LINGO1: variants seen among roughly 807,000 people sequenced by gnomAD.
LINGO1 encodes the protein leucine rich repeat and Ig domain containing 1.
Under a neutral mutation model 37.3 loss-of-function variants are expected in LINGO1, and 11 were observed. The ratio of observed to expected loss-of-function variants is 0.29; its 90% CI spans 0.19 to 0.49. LINGO1 has a LOEUF of 0.49. Among genes scored for constraint, LINGO1 ranks in the 20% least tolerant of loss-of-function variants. The probability of loss-of-function intolerance (pLI) is 0.99; values close to 1 mark genes in which losing one functional copy is unlikely to be tolerated. For synonymous variants in LINGO1, 387 were observed against 403.0 expected, an observed-to-expected ratio of 0.96 and a Z score of 0.48; for missense variants, 585 against 878.2, an observed-to-expected ratio of 0.67 and a Z score of 4.22.
chr15:77,754,905 A>G (rs1269936858), intron 1 of LINGO1, among the ~76,000 whole-genome samples: 1 of 152,228 alleles, frequency 6.6e-6, no homozygotes, highest in Admixed American at 6.5e-5. Context: ...TGCCTATAAG[A>G]TGGGGCCTGG....
At chr15:77,693,789 T>A (rs2075644983) in intron 1 of LINGO1, among the ~76,000 whole-genome samples, 1 of 152,086 alleles carries the variant, frequency 6.6e-6, no homozygotes, top group Admixed American at 6.5e-5. Flanking sequence ...CAGCTGGATG[T>A]GAGGGGGTGG....
upstream of LINGO1, among the ~76,000 whole-genome samples, chr15:77,701,074 T>C (rs994662143): frequency 3.3e-5 from 5 of 152,056 alleles, no homozygotes; most frequent in African/African-American, 1.2e-4. Flanking sequence ...ACTTGACAAA[T>C]GAAGAAACTG....
chr15:77,705,047 C>T (rs28577113), intron 2 of LINGO1, among the ~76,000 whole-genome samples: 14 of 151,958 alleles, frequency 9.2e-5, no homozygotes, highest in Admixed American at 5.2e-4. Flanking sequence ...TCATATAAGC[C>T]GGCTCATCCC....
intron 1 of LINGO1, among the ~76,000 whole-genome samples, chr15:77,766,355 G>A (rs1170589194): frequency 2.1e-5 from 3 of 144,996 alleles, no homozygotes; most frequent in Admixed American, 2.1e-4. Context: ...AAAGAAATGG[G>A]CAATGCAGAC....
At chr15:77,670,129 T>C (rs987180155) in intron 3 of LINGO1, among the ~76,000 whole-genome samples, 3 of 152,192 alleles carry the variant, frequency 2.0e-5, no homozygotes, top group African/African-American at 7.2e-5. Flanking sequence ...TCCATTTCTA[T>C]GAAATGTCTA....
intron 1 of LINGO1, among the ~76,000 whole-genome samples, chr15:77,760,831 G>A (rs2076468455): frequency 6.6e-6 from 1 of 151,942 alleles, no homozygotes; most frequent in Non-Finnish European, 1.5e-5. Flanking sequence ...ACTCACCACT[G>A]GGCCCAAACT....
intron 2 of LINGO1, among the ~76,000 whole-genome samples, chr15:77,732,811 C>G (rs2076166293): frequency 6.6e-6 from 1 of 152,202 alleles, no homozygotes; most frequent in South Asian, 2.1e-4. Flanking sequence ...CCCATGCCCC[C>G]CAGCACGCAT....
At chr15:77,719,016 C>A (rs2076017863) in intron 2 of LINGO1, among the ~76,000 whole-genome samples, 1 of 150,562 alleles carries the variant, frequency 6.6e-6, no homozygotes, top group Non-Finnish European at 1.5e-5. Flanking sequence ...GAGTGTGGAC[C>A]TGCCTGAGTG....
At chr15:77,796,657 C>A (rs1484693620) in intron 1 of LINGO1, among the ~76,000 whole-genome samples, 1 of 151,834 alleles carries the variant, frequency 6.6e-6, no homozygotes, top group African/African-American at 2.4e-5. Context: ...TGGGCCTGAG[C>A]CTCAACTTCC....
At chr15:77,761,915 G>C (rs949288052) in intron 1 of LINGO1, among the ~76,000 whole-genome samples, 3 of 152,238 alleles carry the variant, frequency 2.0e-5, no homozygotes, top group African/African-American at 7.2e-5. Context: ...CATCTGTGGA[G>C]TGGACATGAG....
At chr15:77,636,210 G>A (rs892415081), upstream of LINGO1, among the ~76,000 whole-genome samples, 2 of 152,202 alleles carry the variant, frequency 1.3e-5, no homozygotes, top group African/African-American at 4.8e-5. Flanking sequence ...AGAGGCTGAG[G>A]AGGCAGGAGG....
At chr15:77,783,728 A>T (rs1468768483) in intron 1 of LINGO1, among the ~76,000 whole-genome samples, 1 of 152,158 alleles carries the variant, frequency 6.6e-6, no homozygotes, top group Non-Finnish European at 1.5e-5. Context: ...CTTATAGAGG[A>T]AGAAGCTGGA....
intron 1 of LINGO1, among the ~76,000 whole-genome samples, chr15:77,810,941 G>A (rs545932660): frequency 3.3e-5 from 5 of 152,226 alleles, no homozygotes; most frequent in South Asian, 2.1e-4. Context: ...CAGGCAGCCC[G>A]AGGCCCTCCC....
intron 1 of LINGO1, among the ~76,000 whole-genome samples, chr15:77,748,728 G>A (rs1440176979): frequency 6.6e-6 from 1 of 151,780 alleles, no homozygotes; most frequent in African/African-American, 2.4e-5. Flanking sequence ...GTGCGGTGCA[G>A]GGGAGAGACA....
At chr15:77,729,881 A>G (rs965612297) in intron 2 of LINGO1, among the ~76,000 whole-genome samples, 5 of 152,032 alleles carry the variant, frequency 3.3e-5, no homozygotes, top group African/African-American at 1.2e-4. Flanking sequence ...ATTGCATCCT[A>G]TTTTCCCCTG....
chr15:77,621,783 G>A (rs936688780), intron 1 of LINGO1, among the ~76,000 whole-genome samples: 3 of 152,264 alleles, frequency 2.0e-5, no homozygotes, highest in Admixed American at 2.0e-4. Flanking sequence ...TGCTGCCTGG[G>A]CCTGAATCTC....
chr15:77,713,710 T>C (rs1342340454), intron 2 of LINGO1, among the ~76,000 whole-genome samples: 1 of 152,180 alleles, frequency 6.6e-6, no homozygotes, highest in South Asian at 2.1e-4. Context: ...GACCTGTCTC[T>C]GATATTGTCC....
chr15:77,622,442 G>A (rs150074073), intron 1 of LINGO1, among the ~76,000 whole-genome samples: 27 of 152,222 alleles, frequency 1.8e-4, no homozygotes, highest in African/African-American at 2.4e-4. Flanking sequence ...GCCCCGTCCC[G>A]GCCACTCCAC....
intron 3 of LINGO1, among the ~76,000 whole-genome samples, chr15:77,644,672 C>G (rs1420892545): frequency 6.6e-6 from 1 of 152,202 alleles, no homozygotes. Flanking sequence ...CTGGCCACTT[C>G]GGAAGCTGAG....
Sources: allele counts gnomAD v4.1 joint callset (sites outside exome capture counted in the v4.1 genomes callset), GRCh38; gene constraint gnomAD v4.1.1; transcripts MANE v1.5; gene names NCBI Gene and HGNC (gene_info 2026-07-23, HGNC 2026-07-21).